The following SNX6 variants were observed in gnomAD, a reference collection of about 807,000 sequenced individuals.
SNX6 encodes sorting nexin 6.
A neutral mutation model predicts 63.0 loss-of-function variants in SNX6; 34 were observed. That is an observed-to-expected ratio of 0.54 (90% CI 0.41 to 0.72). SNX6 has a LOEUF of 0.72. Among genes scored for constraint, SNX6 ranks in the 30% least tolerant of loss-of-function variants. The probability of loss-of-function intolerance (pLI) is 0.00; values close to 1 mark genes in which losing one functional copy is unlikely to be tolerated. For missense variants in SNX6, 398 were observed against 471.4 expected (o/e 0.84, Z 1.44); for synonymous variants, 170 against 164.2 (o/e 1.04, Z -0.27).
intron 2 of SNX6, among the ~76,000 whole-genome samples, chr14:34,626,144 C>T (rs1024325149): frequency 6.6e-6 from 1 of 152,074 alleles, no homozygotes; most frequent in African/African-American, 2.4e-5. Flanking sequence ...CTGTGCCCAC[C>T]TATAATTTTA....
At chr14:34,615,928 T>A (rs1883402220) in intron 2 of SNX6, among the ~76,000 whole-genome samples, 1 of 152,218 alleles carries the variant, frequency 6.6e-6, no homozygotes. Context: ...GCATATTTTT[T>A]ATAACATATC....
intron 4 of SNX6, among the ~76,000 whole-genome samples, chr14:34,607,409 C>T (rs528626168): frequency 7.9e-5 from 12 of 152,042 alleles, no homozygotes; most frequent in Admixed American, 4.6e-4. Context: ...GAGTTCGAGA[C>T]CAGCCTGGCC....
chr14:34,622,237 T>C (rs4479126), intron 2 of SNX6, among the ~76,000 whole-genome samples: 110,918 of 148,626 alleles, frequency 0.75, 42,672 homozygotes, highest in African/African-American at 0.93. Context: ...GCTGGGATTA[T>C]AGGCATGAGC....
intron 8 of SNX6, among the ~76,000 whole-genome samples, chr14:34,591,522 T>C (rs539890866): frequency 2.0e-5 from 3 of 151,790 alleles, no homozygotes; most frequent in Non-Finnish European, 4.4e-5. Flanking sequence ...AACCTGGCAA[T>C]GGCAGTGGCA....
intron 6 of SNX6, among the ~76,000 whole-genome samples, chr14:34,602,778 C>T (rs1882870546): frequency 6.6e-6 from 1 of 151,050 alleles, no homozygotes; most frequent in South Asian, 2.1e-4. Flanking sequence ...AGATCGAGAC[C>T]ATCCTGGCTA....
intron 2 of SNX6, among the ~76,000 whole-genome samples, chr14:34,620,592 C>T (rs1208750924): frequency 6.6e-6 from 1 of 152,028 alleles, no homozygotes; most frequent in Non-Finnish European, 1.5e-5. Flanking sequence ...TCATTCTGAC[C>T]ACTCCTTTCT....
intron 10 of SNX6, among the ~76,000 whole-genome samples, chr14:34,576,461 T>A (rs1389411514): frequency 1.5e-4 from 20 of 137,220 alleles, no homozygotes; most frequent in African/African-American, 5.8e-4. Flanking sequence ...TATTTTTTTT[T>A]TTTTTGAGAC....
chr14:34,607,951 G>C lies in SNX6; in HGVS notation c.270+79C>G, dbSNP rs1883083870. The C allele has an allele frequency of 7.1e-6, 5 of 700,644 alleles. No individual in the cohort carries two copies. The Admixed American group carries it at 1.5e-4, about 21-fold the overall frequency. The allele number at this position is 700,644 out of a possible 1,614,324, so 43.4% of individuals were successfully genotyped here. On this transcript the variant is annotated intron_variant, in intron 4 of 13. Transcript: ENST00000362031. ...AACAAAAAAACAGTTCACAAAAAAT[G>C]CTAAACAAGATTCCAAAACATAACG...
At chr14:34,565,641 G>A (rs1488214991) in intron 13 of SNX6, among the ~76,000 whole-genome samples, 6 of 146,168 alleles carry the variant, frequency 4.1e-5, no homozygotes, top group Non-Finnish European at 9.0e-5. Context: ...CTCAGCCTCC[G>A]GAGAAGCTGG....
At chr14:34,568,869 G>A (rs923485013) in intron 11 of SNX6, 13 of 1,117,344 alleles carry the variant, frequency 1.2e-5, no homozygotes, top group African/African-American at 7.7e-5. Context: ...CAGGCATGCC[G>A]CCACTTCTCT....
chr14:34,605,279 T>C (rs1406236298), intron 5 of SNX6, among the ~76,000 whole-genome samples: 1 of 152,146 alleles, frequency 6.6e-6, no homozygotes, highest in Non-Finnish European at 1.5e-5. Context: ...CTCTATTTCT[T>C]TTTCCCCTTA....
chr14:34,609,480 CAAAAAAAA>C (rs398024759), intron 3 of SNX6, among the ~76,000 whole-genome samples, 150 bp downstream of exon 3: 2 of 65,038 alleles, frequency 3.1e-5, no homozygotes, highest in African/African-American at 1.5e-4. Context: ...GACTCCGTCT[CAAAAAAAA>C]AAAAAAAAAA....
chr14:34,575,220 CAG>C (rs1485510659), intron 11 of SNX6, among the ~76,000 whole-genome samples: 7 of 133,742 alleles, frequency 5.2e-5, no homozygotes, highest in Non-Finnish European at 1.1e-4. Flanking sequence ...TTTTTTGAGA[CAG>C]AGTTTCGCTC....
chr14:34,563,864 C>T (rs1319720751), intron 13 of SNX6, among the ~76,000 whole-genome samples: 1 of 152,082 alleles, frequency 6.6e-6, no homozygotes, highest in Admixed American at 6.6e-5. Context: ...TCAGCCTCCC[C>T]AGTAGCTGGG....
intron 8 of SNX6, among the ~76,000 whole-genome samples, chr14:34,588,392 G>A (rs906933686): frequency 6.6e-6 from 1 of 151,984 alleles, no homozygotes; most frequent in Non-Finnish European, 1.5e-5. Context: ...CCAAAATGCT[G>A]GGATTACAGG....
At chr14:34,626,102 T>C (rs538650447) in intron 2 of SNX6, among the ~76,000 whole-genome samples, 19 of 152,234 alleles carry the variant, frequency 1.2e-4, no homozygotes, top group Non-Finnish European at 2.2e-4. Context: ...TGAAATATAA[T>C]GAAATATAAA....
At chr14:34,607,307 T>C (rs1482299780) in intron 4 of SNX6, among the ~76,000 whole-genome samples, 2 of 151,712 alleles carry the variant, frequency 1.3e-5, no homozygotes, top group African/African-American at 4.8e-5. Flanking sequence ...TAACTGACAA[T>C]TTAAAAAAAC....
chr14:34,615,833 G>C (rs1329707818), intron 2 of SNX6, among the ~76,000 whole-genome samples: 1 of 152,072 alleles, frequency 6.6e-6, no homozygotes, highest in East Asian at 1.9e-4. Flanking sequence ...GGAAAAGCCA[G>C]TCCCCAAAAT....
chr14:34,605,536 C>T, intron 5 of SNX6, 60 bp downstream of exon 5: 1 of 1,400,106 alleles, frequency 7.1e-7, no homozygotes, highest in Non-Finnish European at 9.5e-7. Context: ...AAAGCAAGCA[C>T]AATTAACAAA....
Sources: allele counts gnomAD v4.1 joint callset (sites outside exome capture counted in the v4.1 genomes callset), GRCh38; gene constraint gnomAD v4.1.1; transcripts MANE v1.5; gene names NCBI Gene and HGNC (gene_info 2026-07-23, HGNC 2026-07-21).